The following FYN variants were observed in gnomAD, a reference collection of about 807,000 sequenced individuals.
FYN encodes the protein FYN proto-oncogene, Src family tyrosine kinase.
Under a neutral mutation model 70.2 loss-of-function variants are expected in FYN, and 10 were observed. The ratio of observed to expected loss-of-function variants is 0.14; its 90% CI spans 0.09 to 0.24. FYN has a LOEUF of 0.24. Ranked by LOEUF, FYN falls within the 10% of genes least tolerant of loss-of-function variation. The pLI is 1.00. For synonymous variants in FYN, 236 were observed against 248.6 expected (o/e 0.95, Z 0.48); for missense variants, 319 against 673.1 (o/e 0.47, Z 5.82).
chr6:111,811,171 G>T (rs749973807), intron 2 of FYN, among the ~76,000 whole-genome samples: 4 of 152,134 alleles, frequency 2.6e-5, no homozygotes, highest in Non-Finnish European at 4.4e-5. Context: ...TCAGTTTTAG[G>T]TACACAAGAT....
chr6:111,820,036 C>A (rs531373377), intron 2 of FYN: 2 of 152,164 alleles, frequency 1.3e-5, no homozygotes, highest in African/African-American at 4.8e-5. Flanking sequence ...CATTACAGGA[C>A]CATGACACAA....
At chr6:111,670,277 A>C (rs2128405344) in intron 13 of FYN, among the ~76,000 whole-genome samples, 1 of 151,342 alleles carries the variant, frequency 6.6e-6, no homozygotes, top group East Asian at 1.9e-4. Flanking sequence ...GGGTCTCTGC[A>C]CTCTCCCTTC....
At chr6:111,829,106 TA>T (rs1772929937) in intron 2 of FYN, among the ~76,000 whole-genome samples, 1 of 152,256 alleles carries the variant, frequency 6.6e-6, no homozygotes, top group South Asian at 2.1e-4. Context: ...AATGAGCTAC[TA>T]AATGGAAAAC....
At chr6:111,680,281 G>A (rs568991764) in intron 12 of FYN, among the ~76,000 whole-genome samples, 1 of 152,344 alleles carries the variant, frequency 6.6e-6, no homozygotes, top group South Asian at 2.1e-4. Flanking sequence ...GGACGAAAGG[G>A]AACACAGTCT....
At chr6:111,789,650 G>T (rs1230145085) in intron 2 of FYN, among the ~76,000 whole-genome samples, 1 of 152,080 alleles carries the variant, frequency 6.6e-6, no homozygotes, top group Admixed American at 6.5e-5. Flanking sequence ...TTTCTTACTG[G>T]TAATGAGTCC....
intron 2 of FYN, among the ~76,000 whole-genome samples, chr6:111,824,514 T>C (rs1772772420): frequency 1.3e-5 from 2 of 152,234 alleles, no homozygotes; most frequent in Non-Finnish European, 1.5e-5. Flanking sequence ...GATGATGTTG[T>C]TGCCCATGAC....
chr6:111,667,132 A>C (rs7748188), intron 13 of FYN, among the ~76,000 whole-genome samples: 1 of 152,118 alleles, frequency 6.6e-6, no homozygotes, highest in African/African-American at 2.4e-5. Context: ...AACAGTGTCT[A>C]TTCTTGTGTG....
chr6:111,731,686 T>C (rs762696017), intron 3 of FYN, among the ~76,000 whole-genome samples: 5 of 152,158 alleles, frequency 3.3e-5, no homozygotes, highest in African/African-American at 4.8e-5. Context: ...TCAGAAAGCA[T>C]AGTCTATCTA....
chr6:111,786,412 G>A (rs1156459393), intron 2 of FYN, among the ~76,000 whole-genome samples: 1 of 152,198 alleles, frequency 6.6e-6, no homozygotes, highest in Non-Finnish European at 1.5e-5. Flanking sequence ...TGGCTGCATA[G>A]TATTCCATGG....
chr6:111,688,761 C>T (rs368688032), intron 12 of FYN, among the ~76,000 whole-genome samples: 102 of 152,188 alleles, frequency 6.7e-4, no homozygotes, highest in African/African-American at 2.0e-3. Flanking sequence ...AGAGAGGCAG[C>T]GCAGAGGCAG....
At position 111,830,438 on chromosome 6, in the gene FYN, G is replaced by A. The variant is rs1321809834; in HGVS notation, c.-82+16151C>T. Among the ~76,000 whole-genome samples the A allele has an allele frequency of 3.3e-5, 5 of 152,312 alleles. No individual in the cohort carries two copies. In the East Asian group the frequency reaches 9.6e-4, roughly 29 times the overall value. ...AGGTGGCCAAGGAGGTGAGAGCAAG[G>A]TAAAGTGTGTGCCTGCGTGTGGCAG... On this transcript the variant is annotated intron_variant, in intron 2 of 13. Transcript: ENST00000354650.
At chr6:111,832,582 C>A (rs1773048051) in intron 2 of FYN, among the ~76,000 whole-genome samples, 1 of 144,398 alleles carries the variant, frequency 6.9e-6, no homozygotes, top group South Asian at 2.1e-4. Flanking sequence ...AACATTTGTC[C>A]AACTTATTTA....
At chr6:111,823,388 T>A (rs1365565737) in intron 2 of FYN, among the ~76,000 whole-genome samples, 2 of 152,182 alleles carry the variant, frequency 1.3e-5, no homozygotes, top group Non-Finnish European at 2.9e-5. Flanking sequence ...ATATCCTGAC[T>A]TCTAAACACC....
rs1403570021 is a variant in FYN at position 111,873,339 on chromosome 6, C to T, written c.-494G>A. On this transcript the variant is annotated 5_prime_UTR_variant, in exon 1 of 14. Coordinates refer to ENST00000354650, the MANE Select transcript of FYN (RefSeq NM_002037.5). ...CCTTCGGCTCGCGGCGACCCCTCCT[C>T]CTCGCCCGCGGCAGCCCCCTCCTCG... is the stretch of plus-strand genomic sequence containing the variant. 5 of 150,928 alleles carry T rather than the reference C, an allele frequency of 3.3e-5. No individual in the cohort carries two copies. Among genetic ancestry groups the T allele is most frequent in the Non-Finnish European group, 4.5e-5 (3 of 67,210 alleles). 9.3% of individuals were successfully genotyped at this position (150,928 alleles called of 1,614,324 possible).
At chr6:111,783,066 G>T (rs530340319) in intron 2 of FYN, among the ~76,000 whole-genome samples, 7 of 152,174 alleles carry the variant, frequency 4.6e-5, no homozygotes, top group African/African-American at 1.7e-4. Context: ...CAGCCTCAGC[G>T]TGGACACTGG....
chr6:111,673,267 C>T (rs140742265), intron 13 of FYN, among the ~76,000 whole-genome samples: 13 of 152,238 alleles, frequency 8.5e-5, no homozygotes, highest in African/African-American at 2.9e-4. Context: ...AGTGTCTGCC[C>T]GTGTGTGCAT....
chr6:111,726,015 C>A (rs892486073), intron 3 of FYN, among the ~76,000 whole-genome samples: 1 of 152,166 alleles, frequency 6.6e-6, no homozygotes, highest in Non-Finnish European at 1.5e-5. Flanking sequence ...TTCTCCACAG[C>A]TGCCTTTAAA....
At chr6:111,729,558 TG>T (rs1300603742) in intron 3 of FYN, among the ~76,000 whole-genome samples, 5 of 151,844 alleles carry the variant, frequency 3.3e-5, no homozygotes, top group Non-Finnish European at 7.4e-5. Flanking sequence ...AAAAATGACA[TG>T]AAGAGGTTCT....
intron 6 of FYN, 39 bp from the exon 7 acceptor site, chr6:111,704,141 G>C: frequency 6.4e-7 from 1 of 1,560,370 alleles, no homozygotes; most frequent in Non-Finnish European, 8.8e-7. Context: ...TTTTGAAATA[G>C]TCATTTACAA....
Sources: allele counts gnomAD v4.1 joint callset (sites outside exome capture counted in the v4.1 genomes callset), GRCh38; gene constraint gnomAD v4.1.1; transcripts MANE v1.5; gene names NCBI Gene and HGNC (gene_info 2026-07-23, HGNC 2026-07-21).